PCDH9: variants seen among roughly 807,000 people sequenced by gnomAD.
PCDH9 encodes the protein protocadherin-9.
In PCDH9, 24 loss-of-function variants were observed where a neutral mutation model predicts 70.6. The ratio of observed to expected loss-of-function variants is 0.34; its 90% confidence interval spans 0.25 to 0.48. PCDH9 has a LOEUF of 0.48. Ranked by LOEUF, PCDH9 falls within the 20% of genes least tolerant of loss-of-function variation. The pLI is 0.99. For missense variants in PCDH9, 1,281 were observed against 1,503.6 expected (o/e 0.85, Z 2.45); for synonymous variants, 562 against 558.5 (o/e 1.01, Z -0.09).
intron 3 of PCDH9, among the ~76,000 whole-genome samples, chr13:66,701,494 C>A (rs2078647910): frequency 6.6e-6 from 1 of 152,110 alleles, no homozygotes; most frequent in African/African-American, 2.4e-5. Flanking sequence ...GCTCAGGCCA[C>A]TCAATACTTG....
At chr13:67,173,331 G>A (rs2088349820) in intron 2 of PCDH9, among the ~76,000 whole-genome samples, 1 of 152,172 alleles carries the variant, frequency 6.6e-6, no homozygotes, top group South Asian at 2.1e-4. Context: ...TACAGGTATT[G>A]AATCCACCTT....
At chr13:67,136,178 C>T (rs2087227618) in intron 2 of PCDH9, among the ~76,000 whole-genome samples, 1 of 152,060 alleles carries the variant, frequency 6.6e-6, no homozygotes, top group Non-Finnish European at 1.5e-5. Context: ...CCTACCATTG[C>T]GTTATAATCG....
chr13:66,633,552 T>C (rs896013062), intron 3 of PCDH9, among the ~76,000 whole-genome samples: 1 of 152,174 alleles, frequency 6.6e-6, no homozygotes, highest in African/African-American at 2.4e-5. Context: ...GTGCTTATTA[T>C]GGATGACTGT....
intron 3 of PCDH9, among the ~76,000 whole-genome samples, chr13:66,894,647 C>T (rs2082147756): frequency 6.6e-6 from 1 of 152,078 alleles, no homozygotes; most frequent in Non-Finnish European, 1.5e-5. Context: ...GTTATTATTA[C>T]ATGTGACCAT....
chr13:66,547,882 G>A (rs934494931), intron 4 of PCDH9, among the ~76,000 whole-genome samples: 1 of 141,412 alleles, frequency 7.1e-6, no homozygotes, highest in African/African-American at 2.5e-5. Context: ...ATAATAATAT[G>A]ATATTTAATC....
chr13:67,160,793 A>G (rs537712001), intron 2 of PCDH9, among the ~76,000 whole-genome samples: 6 of 152,330 alleles, frequency 3.9e-5, no homozygotes, highest in Admixed American at 3.3e-4. Context: ...CATTTGTCTT[A>G]TGGAGGCAGA....
chr13:67,187,420 G>T (rs1164430797), intron 2 of PCDH9, among the ~76,000 whole-genome samples: 1 of 152,114 alleles, frequency 6.6e-6, no homozygotes, highest in Non-Finnish European at 1.5e-5. Flanking sequence ...TAACCTGAGA[G>T]GATTAGCTAG....
In PCDH9 at chr13:66,449,594, A is replaced by C. The variant is rs1164575978; in HGVS notation, c.3341-144566T>G. Among the ~76,000 whole-genome samples, 4 of 152,168 alleles carry C rather than the reference A, an allele frequency of 2.6e-5. No individual in the cohort carries two copies. The East Asian group carries it at 7.7e-4, about 29-fold the overall frequency. The stretch of plus-strand genomic sequence containing the variant: ...CTCACAAGAGTGTTCAGAAAATCCT[A>C]TCTCACAAATAAAGTGTAAAGCTAA... On this transcript the variant is annotated intron_variant, in intron 4 of 4. Transcript: ENST00000377865.
At chr13:66,316,154 A>G (rs752308847) in intron 4 of PCDH9, among the ~76,000 whole-genome samples, 1 of 151,648 alleles carries the variant, frequency 6.6e-6, no homozygotes, top group East Asian at 1.9e-4. Flanking sequence ...ATCTCCTCTG[A>G]CTCCTTCATC....
intron 3 of PCDH9, among the ~76,000 whole-genome samples, chr13:66,696,983 G>A (rs111961515): frequency 0.017 from 2,577 of 151,608 alleles, 84 homozygotes; most frequent in African/African-American, 0.059. Flanking sequence ...CTGCAGTCTC[G>A]GCTACTCAGG....
chr13:67,020,730 A>T (rs917539365), intron 2 of PCDH9, among the ~76,000 whole-genome samples: 1 of 152,244 alleles, frequency 6.6e-6, no homozygotes, highest in Non-Finnish European at 1.5e-5. Flanking sequence ...GCCAGTTATA[A>T]CATATCATAT....
At chr13:66,816,780 C>A (rs910652651) in intron 3 of PCDH9, among the ~76,000 whole-genome samples, 1 of 151,736 alleles carries the variant, frequency 6.6e-6, no homozygotes, top group Non-Finnish European at 1.5e-5. Context: ...AGTAGCCGGG[C>A]GCAGTGGCAT....
At chr13:66,467,369 A>T (rs1958535092) in intron 4 of PCDH9, among the ~76,000 whole-genome samples, 1 of 152,028 alleles carries the variant, frequency 6.6e-6, no homozygotes, top group Admixed American at 6.6e-5. Flanking sequence ...TCTTGGAGAA[A>T]GCCTCCATGC....
chr13:66,385,530 C>T (rs749665806), intron 4 of PCDH9, among the ~76,000 whole-genome samples: 3 of 152,114 alleles, frequency 2.0e-5, no homozygotes, highest in Non-Finnish European at 4.4e-5. Flanking sequence ...TCCAGCCCCA[C>T]AAATTAACCA....
chr13:66,373,495 C>A (rs1398726818), intron 4 of PCDH9, among the ~76,000 whole-genome samples: 1 of 151,658 alleles, frequency 6.6e-6, no homozygotes, highest in Non-Finnish European at 1.5e-5. Context: ...TTTTATGTTA[C>A]ATATGCTTTA....
At chr13:66,681,826 T>A (rs1252704028) in intron 3 of PCDH9, among the ~76,000 whole-genome samples, 2 of 151,974 alleles carry the variant, frequency 1.3e-5, no homozygotes, top group Admixed American at 1.3e-4. Flanking sequence ...ACATTTACTG[T>A]TCTATTCCAG....
chr13:67,213,873 T>G (rs1029717560), intron 2 of PCDH9: 2 of 152,200 alleles, frequency 1.3e-5, no homozygotes, highest in Non-Finnish European at 2.9e-5. Context: ...CATATTTAAT[T>G]TATTCAATCA....
intron 3 of PCDH9, among the ~76,000 whole-genome samples, chr13:66,695,168 G>C (rs538907154): frequency 6.6e-6 from 1 of 152,298 alleles, no homozygotes; most frequent in South Asian, 2.1e-4. Flanking sequence ...CTCCCAAAGT[G>C]CTGGGATTAC....
At chr13:66,529,159 A>G (rs1008151251) in intron 4 of PCDH9, among the ~76,000 whole-genome samples, 1 of 152,228 alleles carries the variant, frequency 6.6e-6, no homozygotes. Flanking sequence ...GGCTAATTGC[A>G]CATAAAGGCC....
Sources: allele counts gnomAD v4.1 joint callset (sites outside exome capture counted in the v4.1 genomes callset), GRCh38; gene constraint gnomAD v4.1.1; transcripts MANE v1.5; gene names NCBI Gene and HGNC (gene_info 2026-07-23, HGNC 2026-07-21).